The following EIPR1 variants were observed in gnomAD, a reference collection of about 807,000 sequenced individuals.
EIPR1 encodes EARP complex and GARP complex interacting protein 1, also known as EARP and GARP complex-interacting protein 1.
EIPR1 carries 25 observed loss-of-function variants against 48.1 expected under a neutral mutation model. The observed-to-expected ratio is 0.52, with a 90% CI of 0.38 to 0.73. The LOEUF (loss-of-function observed/expected upper bound fraction) is 0.73. Among genes scored for constraint, EIPR1 ranks in the 30% least tolerant of loss-of-function variants. The probability of loss-of-function intolerance (pLI) is 0.00; values close to 1 mark genes in which losing one functional copy is unlikely to be tolerated. For missense variants in EIPR1, 415 were observed against 506.2 expected, an observed-to-expected ratio of 0.82 and a Z score of 1.73; for synonymous variants, 204 against 201.9, an observed-to-expected ratio of 1.01 and a Z score of -0.09.
At chr2:3,300,342 G>C (rs1040617366) in intron 3 of EIPR1, among the ~76,000 whole-genome samples, 2 of 152,152 alleles carry the variant, frequency 1.3e-5, no homozygotes, top group African/African-American at 4.8e-5. Flanking sequence ...GCTGGCTTCT[G>C]GTCTTTCCAG....
At chr2:3,372,232 A>C (rs1659684072) in intron 1 of EIPR1, among the ~76,000 whole-genome samples, 1 of 151,096 alleles carries the variant, frequency 6.6e-6, no homozygotes, top group African/African-American at 2.4e-5. Flanking sequence ...CATTCAAAGC[A>C]GTGTGTAGAG....
Position 3,208,502 on chromosome 2 carries a change from G to A in EIPR1, c.516+5647C>T, listed in dbSNP as rs1665312874. 7 of 1,533,498 alleles carry A rather than the reference G, an allele frequency of 4.6e-6. No homozygotes were observed. In the South Asian group the frequency reaches 8.5e-5, roughly 19 times the overall value. The allele number at this position is 1,533,498 out of a possible 1,614,324, so 95.0% of individuals were successfully genotyped here. A position where few individuals can be genotyped will look rare whatever the true frequency, so the allele number is the denominator to read the frequency against. ...TTGGGAGGGGGCCCAATTATATGAT[G>A]AGGAGGTCTGTGTCTGATTAAAAGG... On this transcript the variant is annotated intron_variant, in intron 5 of 8. Transcript: ENST00000382125.
intron 2 of EIPR1, among the ~76,000 whole-genome samples, chr2:3,349,984 C>T (rs62119513): frequency 0.17 from 26,042 of 151,730 alleles, 2,483 homozygotes; most frequent in Non-Finnish European, 0.21. Context: ...ATTAGCTGGG[C>T]GTGGTGGCCT....
At chr2:3,362,611 C>A (rs1670876610) in intron 1 of EIPR1, among the ~76,000 whole-genome samples, 1 of 149,946 alleles carries the variant, frequency 6.7e-6, no homozygotes, top group Non-Finnish European at 1.5e-5. Flanking sequence ...GATCACCCCA[C>A]TGCACTCCAG....
At chr2:3,298,810 C>T (rs1386975133) in intron 3 of EIPR1, among the ~76,000 whole-genome samples, 1 of 152,176 alleles carries the variant, frequency 6.6e-6, no homozygotes, top group Non-Finnish European at 1.5e-5. Flanking sequence ...ACTCACCCCC[C>T]ATAAGAAGGC....
At chr2:3,203,645 G>A (rs1445072815) in intron 5 of EIPR1, among the ~76,000 whole-genome samples, 1 of 152,242 alleles carries the variant, frequency 6.6e-6, no homozygotes, top group Non-Finnish European at 1.5e-5. Flanking sequence ...GCCCATGGTC[G>A]GCAGCGTCTG....
At chr2:3,191,782 G>A (rs373030411) in intron 8 of EIPR1, among the ~76,000 whole-genome samples, 123 of 152,316 alleles carry the variant, frequency 8.1e-4, no homozygotes, top group African/African-American at 2.8e-3. Context: ...TGCCCTTAGC[G>A]ATCTCCCATC....
chr2:3,233,454 G>A (rs139697571), intron 4 of EIPR1, among the ~76,000 whole-genome samples: 1 of 152,232 alleles, frequency 6.6e-6, no homozygotes, highest in African/African-American at 2.4e-5. Context: ...TAATTGCTGG[G>A]CCAAAACACA....
intron 2 of EIPR1, among the ~76,000 whole-genome samples, chr2:3,341,805 C>T (rs1404494572): frequency 3.3e-5 from 5 of 152,110 alleles, no homozygotes; most frequent in Middle Eastern, 3.4e-3. Context: ...ATTCTGGATG[C>T]GTGCACTTGG....
At chr2:3,330,488 G>C (rs531854953) in intron 3 of EIPR1, among the ~76,000 whole-genome samples, 1 of 151,894 alleles carries the variant, frequency 6.6e-6, no homozygotes, top group Admixed American at 6.5e-5. Context: ...AGCAGAGGCA[G>C]GCACACACTC....
At chr2:3,220,353 C>T (rs1665836717) in intron 4 of EIPR1, among the ~76,000 whole-genome samples, 1 of 150,948 alleles carries the variant, frequency 6.6e-6, no homozygotes, top group Admixed American at 6.6e-5. Context: ...GGCCATGGTA[C>T]ATTTTACAGC....
At chr2:3,282,716 G>A (rs541524871) in intron 3 of EIPR1, 3 of 152,404 alleles carry the variant, frequency 2.0e-5, no homozygotes, top group South Asian at 2.1e-4. Flanking sequence ...GGCGCCTGTC[G>A]CGGTGCTGGC....
intron 3 of EIPR1, among the ~76,000 whole-genome samples, chr2:3,262,502 G>A (rs190455532): frequency 6.6e-6 from 1 of 152,224 alleles, no homozygotes; most frequent in South Asian, 2.1e-4. Context: ...ACCTAGGAAG[G>A]CTGGACCAGC....
intron 1 of EIPR1, among the ~76,000 whole-genome samples, chr2:3,362,072 G>A (rs115243852): frequency 0.016 from 2,512 of 152,292 alleles, 76 homozygotes; most frequent in African/African-American, 0.058. Context: ...TAAACTGCCC[G>A]AGCCAGACCC....
At chr2:3,337,687 G>A (rs1291236302) in intron 3 of EIPR1, among the ~76,000 whole-genome samples, 1 of 152,170 alleles carries the variant, frequency 6.6e-6, no homozygotes, top group Non-Finnish European at 1.5e-5. Flanking sequence ...ACAGGAAAGA[G>A]ATGAATCCCT....
intron 3 of EIPR1, among the ~76,000 whole-genome samples, chr2:3,337,575 G>A (rs928199119): frequency 3.3e-5 from 5 of 152,130 alleles, no homozygotes; most frequent in Admixed American, 6.5e-5. Flanking sequence ...AGAGCACAAC[G>A]GCGGGCAGGA....
intron 4 of EIPR1, among the ~76,000 whole-genome samples, chr2:3,238,235 C>T (rs1666478915): frequency 6.6e-6 from 1 of 152,224 alleles, no homozygotes; most frequent in African/African-American, 2.4e-5. Context: ...GGCCATCCTA[C>T]CCACATCTTA....
chr2:3,344,388 T>C (rs1379490699), intron 2 of EIPR1, among the ~76,000 whole-genome samples: 1 of 152,250 alleles, frequency 6.6e-6, no homozygotes, highest in African/African-American at 2.4e-5. Context: ...CATGTGACTC[T>C]GAAAACACAG....
chr2:3,219,506 G>A (rs1396667974), intron 4 of EIPR1, among the ~76,000 whole-genome samples: 3 of 151,066 alleles, frequency 2.0e-5, no homozygotes, highest in African/African-American at 7.3e-5. Flanking sequence ...ATGCTCTAGA[G>A]CTTTCACAGT....
Sources: allele counts gnomAD v4.1 joint callset (sites outside exome capture counted in the v4.1 genomes callset), GRCh38; gene constraint gnomAD v4.1.1; transcripts MANE v1.5; gene names NCBI Gene and HGNC (gene_info 2026-07-23, HGNC 2026-07-21).